Variants in CUX2 observed in about 807,000 individuals in gnomAD.
CUX2 encodes the protein homeobox protein cut-like 2.
CUX2 carries 40 observed loss-of-function variants against 144.8 expected under a neutral mutation model. The observed-to-expected ratio is 0.28, with a 90% confidence interval of 0.21 to 0.36. The LOEUF is 0.36. CUX2 is among the 10% of genes least tolerant of loss of function. The pLI is 1.00. For missense variants in CUX2, 1,615 were observed against 1,994.0 expected (o/e 0.81, Z 3.62); for synonymous variants, 827 against 875.6 (o/e 0.94, Z 0.98).
intron 3 of CUX2, among the ~76,000 whole-genome samples, chr12:111,223,334 G>T (rs1881950692): frequency 6.6e-6 from 1 of 152,146 alleles, no homozygotes; most frequent in Non-Finnish European, 1.5e-5. Context: ...CATCCCAGAG[G>T]TTCTATTTGT....
rs367779122 is a variant in CUX2 at position 111,347,866 on chromosome 12, C to T, written c.4002C>T (p.Asp1334=). ...GQGPPKEEHP[D]PPGNDGLPKV... is the part of the protein sequence containing the mutation. ...GTCCCCCCAAAGAGGAGCATCCCGACCCTCCGGGTAATGATGGACTCCCAA... is the reference window on the plus strand; with the variant it reads ...GTCCCCCCAAAGAGGAGCATCCCGATCCTCCGGGTAATGATGGACTCCCAA... Residue 1334 remains aspartate, a synonymous_variant, in exon 22 of 22, where the codon GAC becomes GAT. Coordinates refer to ENST00000261726, the MANE Select transcript of CUX2 (RefSeq NM_015267.4). 4.3e-5 allele frequency: 69 copies of T among 1,614,142 alleles called. No homozygotes were observed. In the East Asian group the frequency reaches 8.9e-4, roughly 21 times the overall value.
intron 3 of CUX2, among the ~76,000 whole-genome samples, chr12:111,236,150 A>G (rs946014434): frequency 1.3e-5 from 2 of 152,204 alleles, no homozygotes; most frequent in Non-Finnish European, 2.9e-5. Context: ...CACTATGCCT[A>G]GCACATAGTA....
rs1875779869 is a variant in CUX2 at position 111,135,153 on chromosome 12, A to G, written c.64-79047A>G. Among the ~76,000 whole-genome samples the G allele has an allele frequency of 2.0e-5, 3 of 151,280 alleles. 1 individual carries two copies. The South Asian group carries it at 6.3e-4, about 32-fold the overall frequency. ...TTTAGAGAGAAAGACTGTAAATAGTAGAAAGGTATGTGTGTGGTCCGTCCA... is the reference window on the plus strand; with the variant it reads ...TTTAGAGAGAAAGACTGTAAATAGTGGAAAGGTATGTGTGTGGTCCGTCCA... On this transcript the variant is annotated intron_variant, in intron 1 of 21. Coordinates refer to ENST00000261726, the MANE Select transcript of CUX2 (RefSeq NM_015267.4).
rs975625071 is a variant in CUX2, at chr12:111,068,757, G to A, written c.63+34517G>A. On this transcript the variant is annotated intron_variant, in intron 1 of 21. Coordinates refer to ENST00000261726, the MANE Select transcript of CUX2 (RefSeq NM_015267.4). This position sits in a 1 kb window ranked among gnomAD's most constrained non-coding sequence, Gnocchi z 4.9. ...CTGAGAGGAGAGGAGACGGGGTGCC[G>A]GTAATGCCCCCATGGCCCTCCTGTT... Among the ~76,000 whole-genome samples the A allele has an allele frequency of 6.6e-6, 1 of 152,170 alleles. No individual in the cohort carries two copies. The highest frequency in any genetic ancestry group is 2.4e-5 in the African/African-American group (1 of 41,440).
Position 111,291,445 on chromosome 12 carries a change from G to T in CUX2, c.329G>T (p.Arg110Leu). 6.2e-7 allele frequency: 1 copy of T among 1,611,594 alleles called. No individual in the cohort carries two copies. The change falls in exon 5 of 22, where the codon CGC (arginine) becomes CTC (leucine). Residue 110 changes from arginine (R) to leucine (L), a missense_variant. Arg to Leu is a moderately radical substitution (Grantham distance 102, BLOSUM62 -2). Around this residue, in one of 12 missense-constraint regions of CUX2, gnomAD observed 295 missense variants for 400.2 expected, o/e 0.74. Transcript: ENST00000261726. ...CCCGTGCCTGTGTTTGAGGCGGCAC[G>T]CAGCCTAGACGACAGACTGCAGCCC... is the stretch of plus-strand genomic sequence containing the variant. ...PDPVPVFEAA[R>L]SLDDRLQPPS...
chr12:111,226,787 AAG>A (rs1216560564), intron 3 of CUX2, among the ~76,000 whole-genome samples: 1 of 152,180 alleles, frequency 6.6e-6, no homozygotes, highest in African/African-American at 2.4e-5. Context: ...CCGGGCTGGG[AAG>A]AGTGATCGCT....
intron 1 of CUX2, among the ~76,000 whole-genome samples, chr12:111,093,789 T>G (rs1270189399): frequency 1.3e-5 from 2 of 152,234 alleles, no homozygotes; most frequent in Non-Finnish European, 2.9e-5. Flanking sequence ...AAAAGTGACT[T>G]GACAATTGAT....
intron 3 of CUX2, among the ~76,000 whole-genome samples, chr12:111,231,927 G>A (rs1221166030): frequency 1.3e-5 from 2 of 152,166 alleles, no homozygotes; most frequent in East Asian, 3.9e-4. Context: ...CCAACATGGT[G>A]AAACCCTGTC....
At position 111,190,821 on chromosome 12, in the gene CUX2, G is replaced by C. The variant is rs1879831329; in HGVS notation, c.64-23379G>C. On this transcript the variant is annotated intron_variant, in intron 1 of 21. Transcript: ENST00000261726. This position sits in a 1 kb window ranked among gnomAD's most constrained non-coding sequence, Gnocchi z 4.0. ...TGCTACCCCAAAGCTGAATGCCCCGGCTTTTAATCTGTGTGCGTTGACTCC... is the reference window on the plus strand; with the variant it reads ...TGCTACCCCAAAGCTGAATGCCCCGCCTTTTAATCTGTGTGCGTTGACTCC... 6.6e-6 allele frequency among the ~76,000 whole-genome samples: 1 copy of C among 152,122 alleles called. No individual in the cohort carries two copies. Among genetic ancestry groups the C allele is most frequent in the African/African-American group, 2.4e-5 (1 of 41,432 alleles).
chr12:111,341,791 C>T lies in CUX2; in HGVS notation c.3397C>T (p.Arg1133Cys), dbSNP rs1888589095. The change falls in exon 21 of 22, where the codon CGT (arginine) becomes TGT (cysteine). Residue 1133 changes from arginine (R) to cysteine (C), a missense_variant. Around this residue, in one of 12 missense-constraint regions of CUX2, gnomAD observed 131 missense variants for 223.1 expected, o/e 0.59. Coordinates refer to ENST00000261726, the MANE Select transcript of CUX2 (RefSeq NM_015267.4). Reference protein sequence around the residue: ...KKLEKKAYLKRRYGLISTGSD... With the variant: ...KKLEKKAYLKCRYGLISTGSD... The stretch of plus-strand genomic sequence containing the variant: ...CTTCCTGGCCCCAGCCTACCTGAAA[C>T]GTCGCTATGGCCTCATCAGCACCGG... 2 of 1,592,300 alleles carry T rather than the reference C, an allele frequency of 1.3e-6. No homozygotes were observed. The highest frequency in any genetic ancestry group is 1.3e-5 in the African/African-American group (1 of 74,338).
intron 8 of CUX2, among the ~76,000 whole-genome samples, chr12:111,298,208 C>G (rs1416119794): frequency 6.6e-6 from 1 of 152,180 alleles, no homozygotes; most frequent in Non-Finnish European, 1.5e-5. Flanking sequence ...GGGCGGCCTC[C>G]CCGGAGAACA....
Position 111,347,626 on chromosome 12 carries a change from A to G in CUX2, c.3762A>G (p.Pro1254=). Residue 1254 remains proline, a synonymous_variant, in exon 22 of 22, where the codon CCA becomes CCG. Transcript: ENST00000261726. ...TCCTACCGCCAGGCCACTCCCACCC[A>G]GACCCCACCCCGCAGAGCCCTGACT... ...PGILPPGHSH[P]DPTPQSPDSE... The G allele has an allele frequency of 1.3e-6, 1 of 770,046 alleles. No individual in the cohort carries two copies. The highest frequency in any genetic ancestry group is 2.2e-6 in the Non-Finnish European group (1 of 463,822). The allele number at this position is 770,046 out of a possible 1,614,324, so 47.7% of individuals were successfully genotyped here. A position where few individuals can be genotyped will look rare whatever the true frequency, so the allele number is the denominator to read the frequency against.
intron 1 of CUX2, among the ~76,000 whole-genome samples, chr12:111,048,147 C>G (rs981729742): frequency 6.6e-6 from 1 of 152,152 alleles, no homozygotes; most frequent in African/African-American, 2.4e-5. Flanking sequence ...CCTTTGAATT[C>G]TATTATCATG....
At chr12:111,045,936 C>G (rs544302016) in intron 1 of CUX2, among the ~76,000 whole-genome samples, 8 of 152,182 alleles carry the variant, frequency 5.3e-5, no homozygotes, top group Non-Finnish European at 1.0e-4. Flanking sequence ...TTATTGCCAT[C>G]GTTGTTTGTC....
At position 111,070,604 on chromosome 12, in the gene CUX2, A is replaced by G. The variant is rs189675197; in HGVS notation, c.63+36364A>G. 1.3e-3 allele frequency among the ~76,000 whole-genome samples: 203 copies of G among 152,282 alleles called. 2 individuals carry two copies. The highest frequency in any genetic ancestry group is 4.6e-3 in the African/African-American group (190 of 41,560). On this transcript the variant is annotated intron_variant, in intron 1 of 21. Transcript: ENST00000261726. ...ATTTGTTACAAATCAATGTACATTGACACATCATTACCCAGAGTCTGTAGT... is the reference window on the plus strand; with the variant it reads ...ATTTGTTACAAATCAATGTACATTGGCACATCATTACCCAGAGTCTGTAGT...
intron 1 of CUX2, among the ~76,000 whole-genome samples, chr12:111,060,940 G>A (rs1168416947): frequency 6.6e-6 from 1 of 152,230 alleles, no homozygotes. Flanking sequence ...ATGAAGGGAT[G>A]TGACACAGTT....
chr12:111,051,998 T>TC, intron 1 of CUX2, among the ~76,000 whole-genome samples: 1 of 152,152 alleles, frequency 6.6e-6, no homozygotes, highest in African/African-American at 2.4e-5. Flanking sequence ...CTTTCATTCT[T>TC]TTTTAATGGA....
At chr12:111,280,100 A>G (rs1005681608) in intron 4 of CUX2, among the ~76,000 whole-genome samples, 4 of 152,188 alleles carry the variant, frequency 2.6e-5, no homozygotes, top group Non-Finnish European at 4.4e-5. Flanking sequence ...CCTGACGAAC[A>G]TGGCGAAACC....
intron 18 of CUX2, 137 bp from the exon 19 acceptor site, chr12:111,334,304 C>G: frequency 1.2e-6 from 1 of 865,864 alleles, no homozygotes. Flanking sequence ...AGGGTGGTCC[C>G]TACCTGAGCG....
Sources: allele counts gnomAD v4.1 joint callset (sites outside exome capture counted in the v4.1 genomes callset), GRCh38; gene constraint gnomAD v4.1.1; regional missense constraint gnomAD v4.1.1; non-coding constraint Gnocchi (gnomAD v3.1); transcripts MANE v1.5; gene names NCBI Gene and HGNC (gene_info 2026-07-23, HGNC 2026-07-21).